CAB39: variants seen among roughly 807,000 people sequenced by gnomAD.
CAB39 encodes the protein calcium binding protein 39.
A neutral mutation model predicts 40.0 loss-of-function variants in CAB39; 8 were observed. The observed-to-expected ratio is 0.20, with a 90% CI of 0.12 to 0.36. The LOEUF is 0.36. Among genes scored for constraint, CAB39 ranks in the 10% least tolerant of loss-of-function variants. The pLI, the probability that CAB39 is intolerant of heterozygous loss-of-function variation, is 1.00. For synonymous variants in CAB39, 156 were observed against 141.6 expected, an observed-to-expected ratio of 1.10 and a Z score of -0.72; for missense variants, 270 against 401.1, an observed-to-expected ratio of 0.67 and a Z score of 2.79.
chr2:230,731,241 G>A (rs1025994345), intron 1 of CAB39, among the ~76,000 whole-genome samples: 2 of 152,200 alleles, frequency 1.3e-5, no homozygotes, highest in African/African-American at 2.4e-5. Context: ...TTAACAAGTA[G>A]TAATGCTTAA....
At chr2:230,791,623 C>T (rs905514958) in intron 3 of CAB39, among the ~76,000 whole-genome samples, 1 of 152,128 alleles carries the variant, frequency 6.6e-6, no homozygotes, top group Non-Finnish European at 1.5e-5. Flanking sequence ...GGTATATAGT[C>T]CTGCTTGGCC....
intron 1 of CAB39, chr2:230,725,051 C>T (rs1016778152): frequency 2.1e-6 from 3 of 1,437,074 alleles, no homozygotes; most frequent in Non-Finnish European, 2.9e-6. Flanking sequence ...ACAACAATAG[C>T]AATCTTTTCC....
At chr2:230,714,264 G>A (rs1051267517) in intron 1 of CAB39, among the ~76,000 whole-genome samples, 4 of 152,182 alleles carry the variant, frequency 2.6e-5, no homozygotes, top group East Asian at 1.9e-4. Context: ...GCCCGGAAAT[G>A]TAGGCTAGGG....
chr2:230,740,054 TAGTA>T (rs989017024), intron 1 of CAB39, among the ~76,000 whole-genome samples: 3 of 152,196 alleles, frequency 2.0e-5, no homozygotes, highest in African/African-American at 7.2e-5. Flanking sequence ...TAATTTTACA[TAGTA>T]AGTATAAGTG....
chr2:230,716,254 T>C (rs1378022378), intron 1 of CAB39, among the ~76,000 whole-genome samples: 2 of 152,230 alleles, frequency 1.3e-5, no homozygotes, highest in Non-Finnish European at 2.9e-5. Flanking sequence ...ATTTGAATGT[T>C]TGTATATTGC....
At chr2:230,747,000 G>T (rs1195619260) in intron 1 of CAB39, among the ~76,000 whole-genome samples, 1 of 152,170 alleles carries the variant, frequency 6.6e-6, no homozygotes, top group Non-Finnish European at 1.5e-5. Context: ...AATCTTACGG[G>T]TATAAGGAGG....
At chr2:230,749,505 C>T (rs1438343190) in intron 1 of CAB39, among the ~76,000 whole-genome samples, 13 of 152,132 alleles carry the variant, frequency 8.5e-5, no homozygotes, top group Non-Finnish European at 1.9e-4. Flanking sequence ...AATTCATGTT[C>T]TCACTACCCA....
chr2:230,793,188 G>T lies in CAB39; in HGVS notation c.280-25G>T, dbSNP rs745840850. On this transcript the variant is annotated intron_variant, in intron 3 of 8. Coordinates refer to ENST00000258418, the MANE Select transcript of CAB39 (RefSeq NM_016289.4). ...CATTTTGATGTTTGGTCAGGAAAAT[G>T]TGTTAATGATTGTATTCCTAATAGG... 3.7e-5 allele frequency: 48 copies of T among 1,310,934 alleles called. 1 individual carries two copies. The highest frequency in any genetic ancestry group is 3.7e-5 in the Non-Finnish European group (34 of 909,736). The allele number at this position is 1,310,934 out of a possible 1,614,324, so 81.2% of individuals were successfully genotyped here. A position where few individuals can be genotyped will look rare whatever the true frequency, so the allele number is the denominator to read the frequency against.
intron 7 of CAB39, among the ~76,000 whole-genome samples, chr2:230,814,428 G>A (rs1696363219): frequency 6.6e-6 from 1 of 152,200 alleles, no homozygotes; most frequent in Non-Finnish European, 1.5e-5. Context: ...TCCAGGTGCT[G>A]TGCTCCTGGG....
At chr2:230,782,682 T>C (rs1226771621) in intron 2 of CAB39, among the ~76,000 whole-genome samples, 2 of 152,110 alleles carry the variant, frequency 1.3e-5, no homozygotes, top group African/African-American at 2.4e-5. Flanking sequence ...AACTTAACCT[T>C]TGAAAACCCT....
At chr2:230,719,922 C>G (rs1205789683) in intron 1 of CAB39, among the ~76,000 whole-genome samples, 1 of 152,086 alleles carries the variant, frequency 6.6e-6, no homozygotes, top group Non-Finnish European at 1.5e-5. Flanking sequence ...CTTTTTTCTC[C>G]CAGTTGGTCA....
At chr2:230,754,327 TTCTTCTTCCTTCC>T (rs140074156) in intron 1 of CAB39, among the ~76,000 whole-genome samples, 19,331 of 135,134 alleles carry the variant, frequency 0.14, 2,825 homozygotes, top group African/African-American at 0.4. Context: ...TCCTTCTTCC[TTCTTCTTCCTTCC>T]TCTTCTTCCT....
intron 2 of CAB39, among the ~76,000 whole-genome samples, chr2:230,765,130 G>A (rs1309335934): frequency 6.6e-6 from 1 of 152,252 alleles, no homozygotes; most frequent in East Asian, 1.9e-4. Context: ...GGGACTACAG[G>A]CGTGCACCAC....
intron 1 of CAB39, among the ~76,000 whole-genome samples, chr2:230,728,493 G>A (rs1015785392): frequency 1.3e-5 from 2 of 151,972 alleles, no homozygotes; most frequent in Admixed American, 6.6e-5. Flanking sequence ...TAGAAATCGT[G>A]TTTTGCCATG....
intron 1 of CAB39, among the ~76,000 whole-genome samples, chr2:230,716,122 T>C (rs1694345802): frequency 6.6e-6 from 1 of 152,260 alleles, no homozygotes; most frequent in African/African-American, 2.4e-5. Context: ...ATAAGATCTC[T>C]GTTTCTGTTT....
chr2:230,747,471 G>T (rs779668497), intron 1 of CAB39, among the ~76,000 whole-genome samples: 1 of 152,190 alleles, frequency 6.6e-6, no homozygotes, highest in Non-Finnish European at 1.5e-5. Flanking sequence ...AATTACAGTG[G>T]ACAAAATGAA....
At chr2:230,781,283 C>G (rs1168498989) in intron 2 of CAB39, among the ~76,000 whole-genome samples, 5 of 152,184 alleles carry the variant, frequency 3.3e-5, no homozygotes, top group Middle Eastern at 3.4e-3. Context: ...TAAAGAGAGA[C>G]TAATGGCTCT....
In CAB39 at chr2:230,760,037, A is replaced by G. The variant is rs752870439; in HGVS notation, c.36A>G (p.Pro12=). The change falls in exon 2 of 9, where the codon CCA becomes CCG. Residue 12 remains proline (P), a synonymous_variant. Coordinates refer to ENST00000258418, the MANE Select transcript of CAB39 (RefSeq NM_016289.4). ...CGTTTGGGAAGTCTCACAAATCTCC[A>G]GCAGACATTGTGAAGAATCTGAAGG... ...PFPFGKSHKS[P]ADIVKNLKES... The G allele has an allele frequency of 8.1e-6, 13 of 1,613,812 alleles. No homozygotes were observed. The South Asian group carries it at 1.3e-4, about 16-fold the overall frequency.
At chr2:230,765,113 A>G (rs1380406352) in intron 2 of CAB39, among the ~76,000 whole-genome samples, 1 of 152,114 alleles carries the variant, frequency 6.6e-6, no homozygotes. Context: ...CAGCCTCCCA[A>G]GTAGCTGGGA....
Sources: allele counts gnomAD v4.1 joint callset (sites outside exome capture counted in the v4.1 genomes callset), GRCh38; gene constraint gnomAD v4.1.1; transcripts MANE v1.5; gene names NCBI Gene and HGNC (gene_info 2026-07-23, HGNC 2026-07-21).